The following BROX variants were observed in gnomAD, a reference collection of about 807,000 sequenced individuals.
The protein encoded by BROX is BRO1 domain and CAAX motif containing.
A neutral mutation model predicts 61.0 loss-of-function variants in BROX; 53 were observed. The observed-to-expected ratio is 0.87, with a 90% confidence interval of 0.70 to 1.09. The LOEUF (loss-of-function observed/expected upper bound fraction) is 1.09. BROX is among the 50% of genes least tolerant of loss of function. The pLI, the probability that BROX is intolerant of heterozygous loss-of-function variation, is 0.00. For missense variants in BROX, 489 were observed against 472.0 expected (o/e 1.04, Z -0.33); for synonymous variants, 152 against 160.2 (o/e 0.95, Z 0.38).
In BROX at chr1:222,723,307, T is replaced by C. The variant is rs530514843; in HGVS notation, c.402-785T>C. Among the ~76,000 whole-genome samples, 106 of 152,202 alleles carry C rather than the reference T, an allele frequency of 7.0e-4. 1 individual carries two copies. Among genetic ancestry groups the C allele is most frequent in the Non-Finnish European group, 8.2e-4 (56 of 68,036 alleles). On this transcript the variant is annotated intron_variant, in intron 5 of 12. Transcript: ENST00000340934. Reference sequence around the variant, plus strand: ...AAATAAGGCTTTGTCTGGATTTTATTTTGTTTTGTTTTTTGTAAAGTTGAG... The same window carrying C: ...AAATAAGGCTTTGTCTGGATTTTATCTTGTTTTGTTTTTTGTAAAGTTGAG...
At chr1:222,719,431 C>A in intron 4 of BROX, 72 bp downstream of exon 4, 2 of 1,049,928 alleles carry the variant, frequency 1.9e-6, no homozygotes, top group Non-Finnish European at 2.9e-6. Context: ...TAACTCATAG[C>A]CTTTGTATTT....
chr1:222,719,167 G>C, intron 3 of BROX, 96 bp from the exon 4 acceptor site: 1 of 1,255,700 alleles, frequency 8.0e-7, no homozygotes, highest in South Asian at 1.3e-5. Context: ...GTTTCATTCA[G>C]ACACCTGGAA....
At chr1:222,716,954 T>C (rs1656671729) in intron 2 of BROX, among the ~76,000 whole-genome samples, 1 of 152,202 alleles carries the variant, frequency 6.6e-6, no homozygotes, top group South Asian at 2.1e-4. Context: ...GGATTCAGTC[T>C]ATATGAGATA....
chr1:222,728,278 T>A (rs1005421034), intron 8 of BROX, among the ~76,000 whole-genome samples: 2 of 151,934 alleles, frequency 1.3e-5, no homozygotes, highest in African/African-American at 4.8e-5. Flanking sequence ...TAGGAAAAAA[T>A]AGATTTGAGA....
At chr1:222,715,880 T>A (rs1008178291) in intron 2 of BROX, 80 bp downstream of exon 2, 1 of 693,018 alleles carries the variant, frequency 1.4e-6, no homozygotes, top group East Asian at 2.9e-5. Flanking sequence ...TGTAACACAC[T>A]GTTTCTAAGT....
chr1:222,723,267 A>T (rs1048510232), intron 5 of BROX, among the ~76,000 whole-genome samples: 1 of 152,190 alleles, frequency 6.6e-6, no homozygotes, highest in East Asian at 1.9e-4. Flanking sequence ...TTTATATACA[A>T]ATGTCTGTAA....
rs1656141648 is a variant in BROX at position 222,712,678 on chromosome 1, G to T, written c.-281G>T. 2 of 1,296,624 alleles carry T rather than the reference G, an allele frequency of 1.5e-6. No individual in the cohort carries two copies. The highest frequency in any genetic ancestry group is 4.6e-5 in the Admixed American group (2 of 43,528). 80.3% of individuals were successfully genotyped at this position (1,296,624 alleles called of 1,614,324 possible). ...CCATAGCTCAAAAGGAAGGCCGAGG[G>T]AGAAGTTAGAAAGGGATGATGAACG... On this transcript the variant is annotated 5_prime_UTR_variant, in exon 1 of 13. Transcript: ENST00000340934.
chr1:222,725,517 A>G lies in BROX; in HGVS notation c.542A>G (p.Glu181Gly), dbSNP rs981529070. 19 of 1,613,048 alleles carry G rather than the reference A, an allele frequency of 1.2e-5. No homozygotes were observed. Among genetic ancestry groups the G allele is most frequent in the Non-Finnish European group, 1.6e-5 (19 of 1,179,570 alleles). Reference protein sequence around the residue: ...KGRDLESRLIEAYVIQCQAEA... With the variant: ...KGRDLESRLIGAYVIQCQAEA... Reference sequence around the variant, plus strand: ...AGAGATTTAGAGTCACGACTCATAGAAGCATACGTTATTCAATGTCAGGCT... The same window carrying G: ...AGAGATTTAGAGTCACGACTCATAGGAGCATACGTTATTCAATGTCAGGCT... The change falls in exon 7 of 13, where the codon GAA (glutamate) becomes GGA (glycine). Residue 181 changes from glutamate (E) to glycine (G), a missense_variant. Physicochemically the swap from Glu to Gly is moderately conservative, Grantham distance 98 (BLOSUM62 -2). Coordinates refer to ENST00000340934, the MANE Select transcript of BROX (RefSeq NM_144695.4).
At chr1:222,720,988 T>C (rs1657055286) in intron 4 of BROX, among the ~76,000 whole-genome samples, 1 of 152,208 alleles carries the variant, frequency 6.6e-6, no homozygotes, top group African/African-American at 2.4e-5. Context: ...GTTGTGAGTT[T>C]ATCTGTTCTG....
chr1:222,721,857 C>T (rs1485994205), intron 4 of BROX, among the ~76,000 whole-genome samples: 1 of 152,064 alleles, frequency 6.6e-6, no homozygotes, highest in African/African-American at 2.4e-5. Context: ...GTCACTTCTA[C>T]CAGAAAATTT....
intron 1 of BROX, chr1:222,713,302 G>C (rs915024561): frequency 2.0e-6 from 2 of 985,938 alleles, no homozygotes; most frequent in Non-Finnish European, 2.4e-6. Flanking sequence ...GGGAACTCAA[G>C]TGTTGGCGCG....
chr1:222,726,584 G>T (rs1657517393), intron 7 of BROX, among the ~76,000 whole-genome samples: 1 of 152,170 alleles, frequency 6.6e-6, no homozygotes, highest in Non-Finnish European at 1.5e-5. Context: ...GGGCATGGTG[G>T]CGTATGCCTG....
intron 12 of BROX, 144 bp from the exon 13 acceptor site, chr1:222,732,484 C>T: frequency 3.2e-6 from 2 of 621,708 alleles, no homozygotes; most frequent in South Asian, 2.1e-5. Context: ...ATGAATTGGT[C>T]TGTAGTTTCT....
rs77420252 is a variant in BROX at position 222,733,022 on chromosome 1, C to T, written c.*308C>T. On this transcript the variant is annotated 3_prime_UTR_variant, in exon 13 of 13. Transcript: ENST00000340934. ...AATAAGTTTCAGGTCAGTATAGGCC[C>T]GAATCATGTGGTTTCAGGTATGTTT... The T allele has an allele frequency of 0.045, 9,905 of 218,318 alleles. 293 individuals are homozygous for T. The highest frequency in any genetic ancestry group is 0.084 in the South Asian group (465 of 5,538). 13.5% of individuals were successfully genotyped at this position (218,318 alleles called of 1,614,324 possible).
At chr1:222,726,160 G>A (rs916354233) in intron 7 of BROX, among the ~76,000 whole-genome samples, 3 of 151,676 alleles carry the variant, frequency 2.0e-5, no homozygotes, top group African/African-American at 7.3e-5. Context: ...TCTTTCACTC[G>A]TTGGCTTACC....
Position 222,733,554 on chromosome 1 carries a change from A to G in BROX, c.*840A>G, listed in dbSNP as rs534964862. 5.2e-4 allele frequency: 79 copies of G among 152,354 alleles called. No individual in the cohort carries two copies. The highest frequency in any genetic ancestry group is 1.8e-3 in the African/African-American group (74 of 41,582). 9.4% of individuals were successfully genotyped at this position (152,354 alleles called of 1,614,324 possible). A position where few individuals can be genotyped will look rare whatever the true frequency, so the allele number is the denominator to read the frequency against. On this transcript the variant is annotated 3_prime_UTR_variant, in exon 13 of 13. Transcript: ENST00000340934. ...ATTTATCTTTTCTGGTGGAGAATAA[A>G]AAGTCACTTATAGTTAAAGATCAGA... is the stretch of plus-strand genomic sequence containing the variant.
chr1:222,731,642 T>C (rs2125044804), intron 12 of BROX, 126 bp downstream of exon 12: 5 of 978,880 alleles, frequency 5.1e-6, no homozygotes, highest in Non-Finnish European at 7.3e-6. Flanking sequence ...TAGCTAGTTA[T>C]ATAGTGCTTA....
chr1:222,728,142 T>A (rs1193091155), intron 8 of BROX, among the ~76,000 whole-genome samples: 1 of 152,156 alleles, frequency 6.6e-6, no homozygotes, highest in Non-Finnish European at 1.5e-5. Flanking sequence ...GTCCCTATAG[T>A]TGCAGTATTA....
intron 3 of BROX, 26 bp downstream of exon 3, chr1:222,719,057 T>C: frequency 2.5e-6 from 4 of 1,571,326 alleles, no homozygotes; most frequent in Non-Finnish European, 3.5e-6. Flanking sequence ...GAACTTGAGG[T>C]TTTTTAAAAA....
Sources: allele counts gnomAD v4.1 joint callset (sites outside exome capture counted in the v4.1 genomes callset), GRCh38; gene constraint gnomAD v4.1.1; transcripts MANE v1.5; gene names NCBI Gene and HGNC (gene_info 2026-07-23, HGNC 2026-07-21).